SMAD9: variants seen among roughly 807,000 people sequenced by gnomAD.
The protein encoded by SMAD9 is MAD homolog 9.
In SMAD9, 36 loss-of-function variants were observed where a neutral mutation model predicts 46.1. That is an observed-to-expected ratio of 0.78 (90% CI 0.60 to 1.03). The LOEUF (loss-of-function observed/expected upper bound fraction) is 1.03, where lower values mean the gene tolerates loss of function less well. Among genes scored for constraint, SMAD9 ranks in the 50% least tolerant of loss-of-function variants. The pLI is 0.00. For synonymous variants in SMAD9, 245 were observed against 237.1 expected, an observed-to-expected ratio of 1.03 and a Z score of -0.31; for missense variants, 572 against 599.8, an observed-to-expected ratio of 0.95 and a Z score of 0.48.
At chr13:36,873,120 C>T (rs1191616669) in intron 2 of SMAD9, among the ~76,000 whole-genome samples, 1 of 152,150 alleles carries the variant, frequency 6.6e-6, no homozygotes, top group African/African-American at 2.4e-5. Context: ...TGTGAGTAAG[C>T]TAAGGTAACA....
At chr13:36,849,221 A>G in intron 6 of SMAD9, 1 of 179,048 alleles carries the variant, frequency 5.6e-6, no homozygotes, top group Non-Finnish European at 1.2e-5. Flanking sequence ...AGTGGTAAAG[A>G]CAGAACTGGA....
intron 1 of SMAD9, among the ~76,000 whole-genome samples, chr13:36,884,331 T>C (rs1310694215): frequency 6.6e-6 from 1 of 152,086 alleles, no homozygotes; most frequent in Non-Finnish European, 1.5e-5. Context: ...TAAGCCCAGA[T>C]CCCCCACAAA....
chr13:36,887,134 T>C (rs1160042868), intron 1 of SMAD9, among the ~76,000 whole-genome samples: 1 of 134,534 alleles, frequency 7.4e-6, no homozygotes, highest in East Asian at 2.2e-4. Context: ...CCTCTCAAAG[T>C]GCTGGGATTA....
rs192426018 is a variant in SMAD9, at chr13:36,888,604, G to A, written c.-186-8729C>T. 5.8e-3 allele frequency among the ~76,000 whole-genome samples: 877 copies of A among 152,248 alleles called. 7 individuals are homozygous for A. Among genetic ancestry groups the A allele is most frequent in the Non-Finnish European group, 7.2e-3 (487 of 68,026 alleles). Reference sequence around the variant, plus strand: ...GCCAGGCAAGTATTTGGGCACTTATGTATAACAGATGCAAAAATATCACTG... The same window carrying A: ...GCCAGGCAAGTATTTGGGCACTTATATATAACAGATGCAAAAATATCACTG... On this transcript the variant is annotated intron_variant, in intron 1 of 6. Transcript: ENST00000379826.
chr13:36,853,387 C>T, intron 6 of SMAD9, 32 bp downstream of exon 6: 2 of 1,611,718 alleles, frequency 1.2e-6, no homozygotes, highest in East Asian at 2.2e-5. Context: ...TTTCACTGAA[C>T]ATTTTATAAC....
At chr13:36,873,323 G>A (rs12100274) in intron 2 of SMAD9, among the ~76,000 whole-genome samples, 26 of 152,214 alleles carry the variant, frequency 1.7e-4, no homozygotes, top group African/African-American at 6.3e-4. Context: ...TGCCAAATAA[G>A]TCTTTTTTTC....
chr13:36,882,163 C>A (rs932418498), intron 1 of SMAD9, among the ~76,000 whole-genome samples: 2 of 151,488 alleles, frequency 1.3e-5, no homozygotes, highest in African/African-American at 2.4e-5. Flanking sequence ...TATTGCAGAG[C>A]AGCTGACGAA....
chr13:36,899,836 A>G (rs2058559318), intron 1 of SMAD9, among the ~76,000 whole-genome samples: 1 of 152,256 alleles, frequency 6.6e-6, no homozygotes, highest in Non-Finnish European at 1.5e-5. Flanking sequence ...GTAGCCTTCT[A>G]TAGTCTCCCT....
chr13:36,846,750 G>A lies in SMAD9; in HGVS notation c.*1926C>T, dbSNP rs1234143681. 2.0e-5 allele frequency: 3 copies of A among 152,218 alleles called. No individual in the cohort carries two copies. Among genetic ancestry groups the A allele is most frequent in the African/African-American group, 7.2e-5 (3 of 41,458 alleles). 9.4% of individuals were successfully genotyped at this position (152,218 alleles called of 1,614,324 possible). ...AAGGAATCCATTACCTGACTTTGCAGAAGAGTAAGGAAATAATTTCAAAAC... is the reference window on the plus strand; with the variant it reads ...AAGGAATCCATTACCTGACTTTGCAAAAGAGTAAGGAAATAATTTCAAAAC... On this transcript the variant is annotated 3_prime_UTR_variant, in exon 7 of 7. Coordinates refer to ENST00000379826, the MANE Select transcript of SMAD9 (RefSeq NM_001127217.3).
At chr13:36,850,471 C>T (rs910915476) in intron 6 of SMAD9, among the ~76,000 whole-genome samples, 4 of 152,164 alleles carry the variant, frequency 2.6e-5, no homozygotes, top group Admixed American at 1.3e-4. Flanking sequence ...CCTCTGCCTC[C>T]GAGGTTCAAG....
intron 1 of SMAD9, among the ~76,000 whole-genome samples, chr13:36,916,823 G>C (rs2058701931): frequency 6.6e-6 from 1 of 151,422 alleles, no homozygotes; most frequent in Non-Finnish European, 1.5e-5. Context: ...GGCAGCGCCT[G>C]AACAGGGCAT....
intron 1 of SMAD9, among the ~76,000 whole-genome samples, chr13:36,918,272 G>A (rs1264238375): frequency 6.6e-6 from 1 of 152,190 alleles, no homozygotes; most frequent in African/African-American, 2.4e-5. Context: ...ATTTGTTTAC[G>A]TCTTTGATTT....
intron 3 of SMAD9, among the ~76,000 whole-genome samples, chr13:36,870,504 C>T (rs1192101744): frequency 6.6e-6 from 1 of 151,880 alleles, no homozygotes; most frequent in Non-Finnish European, 1.5e-5. Context: ...CTTTCCAACC[C>T]CATATCCCTG....
intron 1 of SMAD9, among the ~76,000 whole-genome samples, chr13:36,887,503 G>A (rs1188558798): frequency 6.6e-6 from 1 of 152,082 alleles, no homozygotes; most frequent in Non-Finnish European, 1.5e-5. Context: ...GATTACAGGT[G>A]TGAGCCATTG....
chr13:36,910,651 G>A (rs1350250533), intron 1 of SMAD9, among the ~76,000 whole-genome samples: 2 of 152,118 alleles, frequency 1.3e-5, no homozygotes, highest in East Asian at 1.9e-4. Flanking sequence ...CTGCCCAGAA[G>A]GCCCCTGTGC....
intron 1 of SMAD9, among the ~76,000 whole-genome samples, chr13:36,913,342 G>A (rs1009786933): frequency 6.6e-6 from 1 of 152,052 alleles, no homozygotes; most frequent in Non-Finnish European, 1.5e-5. Flanking sequence ...TCGTTGTGTA[G>A]TCCCCAGGGC....
At chr13:36,900,352 C>A (rs879672475) in intron 1 of SMAD9, among the ~76,000 whole-genome samples, 1 of 152,084 alleles carries the variant, frequency 6.6e-6, no homozygotes, top group Non-Finnish European at 1.5e-5. Flanking sequence ...GTGATCTCTG[C>A]TCACTGCAAC....
At chr13:36,914,659 T>C (rs750471511) in intron 1 of SMAD9, among the ~76,000 whole-genome samples, 2 of 152,250 alleles carry the variant, frequency 1.3e-5, no homozygotes, top group Non-Finnish European at 2.9e-5. Context: ...TGATGAAGTG[T>C]ACTGATAAGA....
chr13:36,895,826 C>T (rs2058523412), intron 1 of SMAD9, among the ~76,000 whole-genome samples: 1 of 152,012 alleles, frequency 6.6e-6, no homozygotes, highest in South Asian at 2.1e-4. Flanking sequence ...GAAGGATTTG[C>T]ATCATAGTTT....
Sources: gnomAD v4.1 joint callset for allele counts (sites outside exome capture counted in the v4.1 genomes callset) on GRCh38, gnomAD v4.1.1 for gene constraint, MANE v1.5 for transcripts, NCBI Gene and HGNC (gene_info 2026-07-23, HGNC 2026-07-21) for gene names.